CIB1: variants seen among roughly 807,000 people sequenced by gnomAD.
CIB1 encodes the protein calcium and integrin binding 1.
Under a neutral mutation model 25.0 loss-of-function variants are expected in CIB1, and 19 were observed. The observed-to-expected ratio is 0.76, with a 90% CI of 0.53 to 1.12. CIB1 has a LOEUF of 1.12. CIB1 is among the 50% of genes most tolerant of loss of function. The pLI is 0.00. For missense variants in CIB1, 236 were observed against 242.6 expected, an observed-to-expected ratio of 0.97 and a Z score of 0.18; for synonymous variants, 104 against 98.5, an observed-to-expected ratio of 1.06 and a Z score of -0.33.
the CIB1 span, chr15:90,242,034 C>G: frequency 6.2e-7 from 1 of 1,611,110 alleles, no homozygotes; most frequent in Middle Eastern, 1.7e-4. Flanking sequence ...ACAGGCAGCA[C>G]TGGTGGCCCT....
intron 2 of CIB1, among the ~76,000 whole-genome samples, chr15:90,233,301 T>G (rs1962547234): frequency 6.6e-6 from 1 of 152,262 alleles, no homozygotes; most frequent in South Asian, 2.1e-4. Context: ...ACTGTATTAT[T>G]CAGGTAAAGT....
the CIB1 span, among the ~76,000 whole-genome samples, chr15:90,247,713 T>TATA: frequency 1.5e-4 from 23 of 150,254 alleles, 4 homozygotes; most frequent in African/African-American, 5.4e-4. Context: ...CTAGAGAAAT[T>TATA]ATAATTCCAT....
At chr15:90,238,700 A>G (rs1962685730), upstream of CIB1, among the ~76,000 whole-genome samples, 1 of 152,204 alleles carries the variant, frequency 6.6e-6, no homozygotes, top group Non-Finnish European at 1.5e-5. Flanking sequence ...CCCACACATC[A>G]GTGCCATCCT....
the CIB1 span, chr15:90,263,945 A>C: frequency 6.5e-7 from 1 of 1,532,024 alleles, no homozygotes; most frequent in African/African-American, 1.4e-5. Flanking sequence ...TACCATCTGC[A>C]GCCCAAGAAC....
At chr15:90,241,511 C>T in the CIB1 span, 3 of 1,613,730 alleles carry the variant, frequency 1.9e-6, no homozygotes, top group South Asian at 1.1e-5. Flanking sequence ...ACCCGGGCTT[C>T]CGTGTCGGCT....
the CIB1 span, chr15:90,257,666 T>C: frequency 4.3e-6 from 7 of 1,614,080 alleles, no homozygotes; most frequent in African/African-American, 8.0e-5. Flanking sequence ...TGACCAACTA[T>C]GCTATCAACA....
the CIB1 span, chr15:90,251,013 C>T: frequency 7.8e-7 from 1 of 1,280,860 alleles, no homozygotes; most frequent in Non-Finnish European, 1.1e-6. Context: ...ACAGGAAATG[C>T]TGGAGTGTCA....
At chr15:90,265,549 G>A in the CIB1 span, 3 of 1,390,718 alleles carry the variant, frequency 2.2e-6, no homozygotes, top group Non-Finnish European at 2.9e-6. Context: ...AGGCAGAAAG[G>A]GTGGGCCACT....
chr15:90,246,787 CAAAAAAAAAAAAAAAAAAAAAAAAAA>C, the CIB1 span, among the ~76,000 whole-genome samples: 61 of 45,248 alleles, frequency 1.3e-3, 1 homozygote, highest in Admixed American at 2.4e-3. Context: ...GACTCTGTCT[CAAAAAAAAAAAAAAAAAAAAAAAAAA>C]AAAAAAAAAA....
chr15:90,239,419 C>T, the CIB1 span, among the ~76,000 whole-genome samples: 1 of 151,880 alleles, frequency 6.6e-6, no homozygotes, highest in Admixed American at 6.6e-5. Flanking sequence ...TATTGACTCA[C>T]AGTTCTGCAA....
chr15:90,248,254 G>A, the CIB1 span, among the ~76,000 whole-genome samples: 2 of 152,270 alleles, frequency 1.3e-5, no homozygotes, highest in African/African-American at 4.8e-5. Context: ...ATCTTTCAAA[G>A]TGCAAAGTGA....
chr15:90,262,564 G>A, the CIB1 span: 1 of 1,534,390 alleles, frequency 6.5e-7, no homozygotes, highest in South Asian at 1.2e-5. Context: ...AAAAGGCCAG[G>A]GACCAGAACC....
chr15:90,265,503 G>A, the CIB1 span: 1 of 1,403,694 alleles, frequency 7.1e-7, no homozygotes, highest in Non-Finnish European at 9.2e-7. Context: ...CCTCATTTCG[G>A]CCCTCACGTT....
chr15:90,261,380 C>CTT, the CIB1 span, among the ~76,000 whole-genome samples: 8 of 141,394 alleles, frequency 5.7e-5, no homozygotes, highest in Admixed American at 7.0e-5. Flanking sequence ...TGCCCGGCCA[C>CTT]TTTTTTTTTT....
chr15:90,257,432 G>T, the CIB1 span: 1 of 1,255,250 alleles, frequency 8.0e-7, no homozygotes, highest in Non-Finnish European at 1.1e-6. Flanking sequence ...CAAGTGTTTG[G>T]TAGGTGGTGA....
chr15:90,260,094 T>C, the CIB1 span, among the ~76,000 whole-genome samples: 1 of 152,230 alleles, frequency 6.6e-6, no homozygotes, highest in Non-Finnish European at 1.5e-5. Flanking sequence ...GACTGGACTG[T>C]GTACCTGAGG....
At chr15:90,250,384 G>A in the CIB1 span, among the ~76,000 whole-genome samples, 1 of 152,216 alleles carries the variant, frequency 6.6e-6, no homozygotes. Flanking sequence ...TGTGAACCTG[G>A]ATGATTGGGG....
chr15:90,263,776 C>T, the CIB1 span: 8 of 701,236 alleles, frequency 1.1e-5, no homozygotes, highest in East Asian at 2.2e-4. Flanking sequence ...CAGTCAAGAA[C>T]TGAAATCTAT....
At chr15:90,258,244 A>G in the CIB1 span, 1 of 1,614,126 alleles carries the variant, frequency 6.2e-7, no homozygotes, top group Non-Finnish European at 8.5e-7. Context: ...TTGCTGGACC[A>G]CAAGTTGAAG....
Sources: allele counts gnomAD v4.1 joint callset (sites outside exome capture counted in the v4.1 genomes callset), GRCh38; gene constraint gnomAD v4.1.1; transcripts MANE v1.5; gene names NCBI Gene and HGNC (gene_info 2026-07-23, HGNC 2026-07-21).